The following DPP6 variants were observed in gnomAD, a reference collection of about 807,000 sequenced individuals.
The protein encoded by DPP6 is A-type potassium channel modulatory protein DPP6.
DPP6 carries 69 observed loss-of-function variants against 122.6 expected under a neutral mutation model. The observed-to-expected ratio is 0.56, with a 90% CI of 0.46 to 0.69. The LOEUF (loss-of-function observed/expected upper bound fraction) is 0.69, where lower values mean the gene tolerates loss of function less well. DPP6 is among the 30% of genes least tolerant of loss of function. DPP6 has a pLI of 0.00. For synonymous variants in DPP6, 418 were observed against 433.1 expected, an observed-to-expected ratio of 0.97 and a Z score of 0.43; for missense variants, 928 against 1,116.9, an observed-to-expected ratio of 0.83 and a Z score of 2.41.
At chr7:154,626,993 A>ATT (rs1835110979) in intron 5 of DPP6, among the ~76,000 whole-genome samples, 8 of 114,088 alleles carry the variant, frequency 7.0e-5, no homozygotes, top group Non-Finnish European at 9.2e-5. Context: ...TCCATTAGAA[A>ATT]TTTTTTCTTT....
chr7:154,874,368 C>T (rs1200897814), intron 19 of DPP6, among the ~76,000 whole-genome samples: 1 of 152,222 alleles, frequency 6.6e-6, no homozygotes, highest in Non-Finnish European at 1.5e-5. Context: ...CTCTGCTGAG[C>T]TCGGACGGGA....
At chr7:154,287,244 C>G (rs1364978975) in intron 1 of DPP6, among the ~76,000 whole-genome samples, 1 of 152,158 alleles carries the variant, frequency 6.6e-6, no homozygotes, top group East Asian at 1.9e-4. Context: ...TTAGTTAATG[C>G]CAGGGTTCAC....
At chr7:154,131,201 T>A (rs1795262593) in intron 1 of DPP6, among the ~76,000 whole-genome samples, 1 of 152,190 alleles carries the variant, frequency 6.6e-6, no homozygotes, top group Admixed American at 6.5e-5. Context: ...CAATGCAATT[T>A]GCTTACTTAT....
intron 1 of DPP6, among the ~76,000 whole-genome samples, chr7:154,135,277 G>A (rs867790614): frequency 6.0e-5 from 9 of 151,078 alleles, no homozygotes; most frequent in African/African-American, 2.0e-4. Flanking sequence ...CATTTCCTCC[G>A]ATGGTATACT....
intron 16 of DPP6, among the ~76,000 whole-genome samples, chr7:154,845,569 G>A (rs978435994): frequency 7.2e-5 from 11 of 152,266 alleles, no homozygotes; most frequent in African/African-American, 2.4e-4. Context: ...CGTAAATGGC[G>A]AGTTGATGGG....
chr7:153,962,808 A>G (rs1421165109), intron 1 of DPP6, among the ~76,000 whole-genome samples: 8 of 152,300 alleles, frequency 5.3e-5, no homozygotes, highest in Admixed American at 1.3e-4. Context: ...CAAATACTCT[A>G]CATTTTAGCA....
At chr7:154,033,106 A>G (rs1799342363) in intron 1 of DPP6, among the ~76,000 whole-genome samples, 1 of 152,006 alleles carries the variant, frequency 6.6e-6, no homozygotes, top group Non-Finnish European at 1.5e-5. Context: ...TCCCTGTATT[A>G]TTTCACAAAA....
chr7:154,729,394 C>G (rs1213545070), intron 8 of DPP6, among the ~76,000 whole-genome samples: 1 of 150,134 alleles, frequency 6.7e-6, no homozygotes, highest in Non-Finnish European at 1.5e-5. Flanking sequence ...GATGGATATG[C>G]AAGCTTAGTG....
intron 1 of DPP6, among the ~76,000 whole-genome samples, chr7:154,027,464 T>G (rs1378264908): frequency 3.3e-5 from 5 of 152,280 alleles, no homozygotes; most frequent in African/African-American, 1.2e-4. Flanking sequence ...TGTGTCCTCA[T>G]GTGGTGGAAG....
chr7:154,621,331 A>G (rs1380681146), intron 5 of DPP6, among the ~76,000 whole-genome samples: 3 of 152,158 alleles, frequency 2.0e-5, no homozygotes, highest in Non-Finnish European at 2.9e-5. Flanking sequence ...GTCCTTTTCA[A>G]CATTGATTTT....
At chr7:154,537,838 AAAG>A (rs1192422496) in intron 3 of DPP6, among the ~76,000 whole-genome samples, 1 of 152,152 alleles carries the variant, frequency 6.6e-6, no homozygotes, top group Non-Finnish European at 1.5e-5. Flanking sequence ...CAAAAGATGT[AAAG>A]AAGAATATTC....
In DPP6 at chr7:154,879,307, G is replaced by A. The variant is rs538027622; in HGVS notation, c.2079-1581G>A. Among the ~76,000 whole-genome samples, 71 of 139,958 alleles carry A rather than the reference G, an allele frequency of 5.1e-4. 10 individuals carry two copies. Among genetic ancestry groups the A allele is most frequent in the East Asian group, 1.9e-3 (6 of 3,226 alleles). 91.8% of individuals were successfully genotyped at this position (139,958 alleles called of 152,430 possible). A position where few individuals can be genotyped will look rare whatever the true frequency, so the allele number is the denominator to read the frequency against. On this transcript the variant is annotated intron_variant, in intron 20 of 25. Transcript: ENST00000377770. The stretch of plus-strand genomic sequence containing the variant: ...TTAAAAACACAAAAATCGGCCGGGC[G>A]CGGTGGCTCACGCCTGTAATCCCAG...
intron 3 of DPP6, among the ~76,000 whole-genome samples, chr7:154,508,476 G>A (rs73163058): frequency 0.12 from 17,652 of 152,118 alleles, 1,237 homozygotes; most frequent in Non-Finnish European, 0.16. Context: ...GCTGTCACAG[G>A]AAGTTTTCAG....
chr7:153,765,581 A>T, the DPP6 span, among the ~76,000 whole-genome samples: 11 of 151,572 alleles, frequency 7.3e-5, no homozygotes, highest in African/African-American at 2.7e-4. Flanking sequence ...ACACCTAGGT[A>T]GTTGATGATG....
At chr7:153,897,212 A>T (rs1799450877) in intron 1 of DPP6, among the ~76,000 whole-genome samples, 1 of 152,152 alleles carries the variant, frequency 6.6e-6, no homozygotes, top group African/African-American at 2.4e-5. Context: ...TTTGAGGAGG[A>T]GCTGAGGTGC....
intron 18 of DPP6, among the ~76,000 whole-genome samples, chr7:154,872,362 TC>T (rs146982686): frequency 7.4e-4 from 112 of 152,348 alleles, no homozygotes; most frequent in African/African-American, 2.5e-3. Flanking sequence ...CATCGAGTCT[TC>T]CGTGCATTCA....
the DPP6 span, among the ~76,000 whole-genome samples, chr7:153,771,514 A>G: frequency 6.6e-6 from 1 of 151,942 alleles, no homozygotes; most frequent in African/African-American, 2.4e-5. Context: ...TAATTTTTGT[A>G]TTTTTAGTAG....
At chr7:154,129,936 C>T (rs928901696) in intron 1 of DPP6, among the ~76,000 whole-genome samples, 2 of 150,952 alleles carry the variant, frequency 1.3e-5, no homozygotes, top group Non-Finnish European at 2.9e-5. Flanking sequence ...ATTAGCTGGG[C>T]ATGGTGACAC....
chr7:153,782,539 C>T, the DPP6 span, among the ~76,000 whole-genome samples: 8 of 152,134 alleles, frequency 5.3e-5, no homozygotes, highest in Non-Finnish European at 1.0e-4. Context: ...ACCCCCTTAG[C>T]GTGTGGGCCC....
Sources: allele counts gnomAD v4.1 joint callset (sites outside exome capture counted in the v4.1 genomes callset), GRCh38; gene constraint gnomAD v4.1.1; transcripts MANE v1.5; gene names NCBI Gene and HGNC (gene_info 2026-07-23, HGNC 2026-07-21).